Variants in SPOCK3 observed in about 807,000 individuals in gnomAD.
SPOCK3 encodes the protein SPARC (osteonectin), cwcv and kazal like domains proteoglycan 3.
A neutral mutation model predicts 56.6 loss-of-function variants in SPOCK3; 30 were observed. The observed-to-expected ratio is 0.53, with a 90% CI of 0.40 to 0.72. The LOEUF (loss-of-function observed/expected upper bound fraction) is 0.72. SPOCK3 is among the 30% of genes least tolerant of loss of function. The pLI is 0.00. For synonymous variants in SPOCK3, 196 were observed against 183.3 expected (o/e 1.07, Z -0.56); for missense variants, 527 against 530.0 (o/e 0.99, Z 0.06).
chr4:166,931,473 T>A (rs1739770848), intron 4 of SPOCK3, among the ~76,000 whole-genome samples: 1 of 152,182 alleles, frequency 6.6e-6, no homozygotes, highest in African/African-American at 2.4e-5. Context: ...ATTCTTTACA[T>A]ATTAATTTTG....
chr4:167,030,097 C>T (rs78587552), intron 3 of SPOCK3, among the ~76,000 whole-genome samples: 7,340 of 95,468 alleles, frequency 0.077, 232 homozygotes, highest in African/African-American at 0.23. Flanking sequence ...ATCTATCTAT[C>T]TATCTATCTA....
chr4:166,736,716 T>TGC (rs1277618996), intron 10 of SPOCK3, among the ~76,000 whole-genome samples: 1 of 151,734 alleles, frequency 6.6e-6, no homozygotes, highest in East Asian at 1.9e-4. Flanking sequence ...TGTGTGTGTG[T>TGC]GCGCGTGTGT....
chr4:167,004,997 G>A (rs1025954053), intron 3 of SPOCK3, among the ~76,000 whole-genome samples: 2 of 152,076 alleles, frequency 1.3e-5, no homozygotes, highest in African/African-American at 2.4e-5. Flanking sequence ...ATGTACGTTA[G>A]AAACATAATC....
At chr4:167,218,140 G>A (rs924789348) in intron 2 of SPOCK3, among the ~76,000 whole-genome samples, 12 of 152,054 alleles carry the variant, frequency 7.9e-5, no homozygotes, top group African/African-American at 2.9e-4. Context: ...TTTCTAACAT[G>A]GCACATTTCT....
At chr4:167,228,861 C>T (rs1561348127) in intron 2 of SPOCK3, among the ~76,000 whole-genome samples, 1 of 152,020 alleles carries the variant, frequency 6.6e-6, no homozygotes, top group Non-Finnish European at 1.5e-5. Context: ...AATAATAGTC[C>T]AATAAAAATA....
chr4:167,057,298 G>C (rs1396341108), intron 3 of SPOCK3, among the ~76,000 whole-genome samples: 1 of 152,156 alleles, frequency 6.6e-6, no homozygotes, highest in African/African-American at 2.4e-5. Context: ...ACTAAACATG[G>C]AAAGGAACAA....
chr4:166,803,573 T>C (rs1010846607), intron 6 of SPOCK3, among the ~76,000 whole-genome samples: 2 of 152,176 alleles, frequency 1.3e-5, no homozygotes, highest in Non-Finnish European at 2.9e-5. Context: ...ATATGTAATG[T>C]CCTGCAAAAC....
intron 4 of SPOCK3, among the ~76,000 whole-genome samples, chr4:166,932,446 AAAC>A (rs2149999397): frequency 6.6e-6 from 1 of 152,318 alleles, no homozygotes; most frequent in Admixed American, 6.5e-5. Context: ...TTAAAGCTAT[AAAC>A]AACAATATGA....
chr4:166,803,419 A>T (rs1560875344), intron 6 of SPOCK3, among the ~76,000 whole-genome samples: 1 of 152,128 alleles, frequency 6.6e-6, no homozygotes, highest in Non-Finnish European at 1.5e-5. Flanking sequence ...GGGCAGTAGT[A>T]ATACATGATT....
intron 2 of SPOCK3, among the ~76,000 whole-genome samples, chr4:167,187,772 G>A (rs1580557128): frequency 2.0e-5 from 3 of 152,164 alleles, no homozygotes; most frequent in South Asian, 4.1e-4. Context: ...ATTAAAATGA[G>A]TATGAGTTAT....
chr4:166,830,684 A>C (rs1745940422), intron 6 of SPOCK3, among the ~76,000 whole-genome samples: 1 of 152,176 alleles, frequency 6.6e-6, no homozygotes, highest in Non-Finnish European at 1.5e-5. Context: ...CAGTGAGCCA[A>C]GATCGTGTCA....
intron 2 of SPOCK3, among the ~76,000 whole-genome samples, chr4:167,173,660 T>C (rs369659847): frequency 6.6e-6 from 1 of 152,152 alleles, no homozygotes; most frequent in East Asian, 1.9e-4. Context: ...CGAACAGGCG[T>C]ATTTGAGTGC....
intron 6 of SPOCK3, among the ~76,000 whole-genome samples, chr4:166,853,355 A>T (rs1211759774): frequency 6.6e-6 from 1 of 152,248 alleles, no homozygotes; most frequent in Non-Finnish European, 1.5e-5. Flanking sequence ...TCAATTTTAT[A>T]ACATAAAAAT....
intron 2 of SPOCK3, among the ~76,000 whole-genome samples, chr4:167,202,416 G>A (rs952833301): frequency 6.6e-6 from 1 of 151,944 alleles, no homozygotes; most frequent in African/African-American, 2.4e-5. Context: ...TATGCAAAGT[G>A]TATAAAATAT....
intron 2 of SPOCK3, among the ~76,000 whole-genome samples, chr4:167,107,545 T>A (rs1760272592): frequency 6.6e-6 from 1 of 151,930 alleles, no homozygotes. Flanking sequence ...AGTATCATAT[T>A]GAATAAAGAA....
chr4:166,815,830 A>T (rs931679832), intron 6 of SPOCK3, among the ~76,000 whole-genome samples: 1 of 152,108 alleles, frequency 6.6e-6, no homozygotes, highest in African/African-American at 2.4e-5. Flanking sequence ...GTTTTTATTA[A>T]TCAACCCTAA....
chr4:167,088,546 C>T (rs1202822347), intron 2 of SPOCK3, among the ~76,000 whole-genome samples: 2 of 148,046 alleles, frequency 1.4e-5, no homozygotes, highest in Non-Finnish European at 3.0e-5. Context: ...TTCACTACAA[C>T]CACCGCCTCC....
At chr4:167,216,931 C>A (rs1735420524) in intron 2 of SPOCK3, among the ~76,000 whole-genome samples, 1 of 152,022 alleles carries the variant, frequency 6.6e-6, no homozygotes, top group East Asian at 1.9e-4. Context: ...AAAGTAAACA[C>A]TCATAACTGA....
At chr4:166,975,417 T>A (rs771234887) in intron 4 of SPOCK3, among the ~76,000 whole-genome samples, 2 of 152,130 alleles carry the variant, frequency 1.3e-5, no homozygotes, top group Non-Finnish European at 2.9e-5. Flanking sequence ...GTACATGAGG[T>A]ATTCGATACA....
Sources: gnomAD v4.1 joint callset for allele counts (sites outside exome capture counted in the v4.1 genomes callset) on GRCh38, gnomAD v4.1.1 for gene constraint, MANE v1.5 for transcripts, NCBI Gene and HGNC (gene_info 2026-07-23, HGNC 2026-07-21) for gene names.